The following CADM2 variants were observed in gnomAD, a reference collection of about 807,000 sequenced individuals.
CADM2 encodes cell adhesion molecule 2.
A neutral mutation model predicts 49.8 loss-of-function variants in CADM2; 12 were observed. The ratio of observed to expected loss-of-function variants is 0.24; its 90% CI spans 0.15 to 0.39. CADM2 has a LOEUF of 0.39. Among genes scored for constraint, CADM2 ranks in the 10% least tolerant of loss-of-function variants. The probability of loss-of-function intolerance (pLI) is 1.00; values close to 1 mark genes in which losing one functional copy is unlikely to be tolerated. For missense variants in CADM2, 378 were observed against 492.3 expected, an observed-to-expected ratio of 0.77 and a Z score of 2.20; for synonymous variants, 214 against 175.4, an observed-to-expected ratio of 1.22 and a Z score of -1.74.
chr3:84,990,580 G>T (rs1414154326), intron 1 of CADM2, among the ~76,000 whole-genome samples: 1 of 151,608 alleles, frequency 6.6e-6, no homozygotes, highest in African/African-American at 2.4e-5. Flanking sequence ...ATGGTTGCTT[G>T]GTTTATTTAT....
At chr3:84,969,596 A>G (rs2031269216) in intron 1 of CADM2, among the ~76,000 whole-genome samples, 2 of 151,990 alleles carry the variant, frequency 1.3e-5, no homozygotes, top group Non-Finnish European at 2.9e-5. Context: ...GATCTAGATA[A>G]TATTTAAGTA....
At chr3:85,265,513 C>T (rs1044378363) in intron 1 of CADM2, among the ~76,000 whole-genome samples, 12 of 152,036 alleles carry the variant, frequency 7.9e-5, no homozygotes, top group African/African-American at 2.9e-4. Flanking sequence ...AGAGGTTGAA[C>T]TCATTTTTAT....
intron 1 of CADM2, among the ~76,000 whole-genome samples, chr3:85,609,568 G>A (rs535371447): frequency 1.3e-5 from 2 of 152,156 alleles, no homozygotes; most frequent in African/African-American, 4.8e-5. Flanking sequence ...CAACTCTGTT[G>A]AATTAAAAAG....
At chr3:85,554,609 A>G (rs1257212737) in intron 1 of CADM2, among the ~76,000 whole-genome samples, 1 of 152,216 alleles carries the variant, frequency 6.6e-6, no homozygotes, top group South Asian at 2.1e-4. Flanking sequence ...ATCTGAATAA[A>G]AGGGCATACG....
chr3:85,992,731 A>G (rs9862608), intron 8 of CADM2: 47,040 of 152,060 alleles, frequency 0.31, 9,498 homozygotes, highest in African/African-American at 0.58. Context: ...AATGCTAATG[A>G]TCGTCTGAGT....
chr3:85,151,721 G>T (rs1476810323), intron 1 of CADM2, among the ~76,000 whole-genome samples: 1 of 152,106 alleles, frequency 6.6e-6, no homozygotes, highest in African/African-American at 2.4e-5. Flanking sequence ...ACATTCATTT[G>T]TTATAGTTTG....
intron 2 of CADM2, chr3:85,800,686 T>C (rs1037247932): frequency 2.0e-5 from 3 of 152,530 alleles, no homozygotes; most frequent in African/African-American, 7.2e-5. Context: ...TTGCACTTCC[T>C]GGGTGAAGTG....
Position 85,261,822 on chromosome 3 carries a change from A to G in CADM2, c.61+302154A>G, listed in dbSNP as rs140033056. On this transcript the variant is annotated intron_variant, in intron 1 of 9. Coordinates refer to ENST00000383699, the MANE Select transcript of CADM2 (RefSeq NM_001167675.2). ...ATTTCTAAATTAAAAACAAAACAAA[A>G]CAAAGTCACCTTTTTCCCCTAATCT... is the stretch of plus-strand genomic sequence containing the variant. 4.6e-5 allele frequency among the ~76,000 whole-genome samples: 7 copies of G among 152,214 alleles called. No individual in the cohort carries two copies. The East Asian group carries it at 1.4e-3, about 30-fold the overall frequency.
At chr3:85,305,559 T>A (rs558905415) in intron 1 of CADM2, among the ~76,000 whole-genome samples, 1 of 151,760 alleles carries the variant, frequency 6.6e-6, no homozygotes, top group Admixed American at 6.6e-5. Flanking sequence ...TGGTAGCCAA[T>A]TGAACGATTA....
intron 1 of CADM2, among the ~76,000 whole-genome samples, chr3:85,254,788 A>G (rs935617000): frequency 1.1e-4 from 17 of 152,066 alleles, no homozygotes; most frequent in African/African-American, 4.1e-4. Flanking sequence ...AAAGGGCTGT[A>G]TGGCAGGAGC....
At chr3:85,095,188 C>A (rs1370707179) in intron 1 of CADM2, among the ~76,000 whole-genome samples, 5 of 152,162 alleles carry the variant, frequency 3.3e-5, no homozygotes, top group Non-Finnish European at 7.4e-5. Context: ...GATGGAATTT[C>A]ATTCCTTTAT....
At chr3:85,524,207 C>T (rs981980862) in intron 1 of CADM2, among the ~76,000 whole-genome samples, 1 of 151,860 alleles carries the variant, frequency 6.6e-6, no homozygotes, top group Non-Finnish European at 1.5e-5. Flanking sequence ...TCTTTGTTGT[C>T]CTGTTTTCTA....
At chr3:85,376,044 T>C in intron 1 of CADM2, among the ~76,000 whole-genome samples, 1 of 152,222 alleles carries the variant, frequency 6.6e-6, no homozygotes, top group East Asian at 1.9e-4. Flanking sequence ...ACAGCAACAA[T>C]ATGAAATAAG....
chr3:85,421,706 A>C (rs1044973007), intron 1 of CADM2, among the ~76,000 whole-genome samples: 2 of 152,124 alleles, frequency 1.3e-5, no homozygotes, highest in Non-Finnish European at 2.9e-5. Flanking sequence ...TTCATTTACC[A>C]TATTTACTCA....
At chr3:85,728,132 A>T (rs2029053) in intron 2 of CADM2, among the ~76,000 whole-genome samples, 32,483 of 152,096 alleles carry the variant, frequency 0.21, 4,217 homozygotes, top group Middle Eastern at 0.29. Context: ...AAGCCATTTC[A>T]TCATTGGAGA....
chr3:85,769,157 A>G (rs1226385554), intron 2 of CADM2, among the ~76,000 whole-genome samples: 4 of 74,894 alleles, frequency 5.3e-5, no homozygotes, highest in Non-Finnish European at 8.4e-5. Context: ...ACATATATAC[A>G]TATATAGTAT....
chr3:85,011,542 A>G (rs2033993131), intron 1 of CADM2, among the ~76,000 whole-genome samples: 2 of 152,218 alleles, frequency 1.3e-5, no homozygotes. Flanking sequence ...TTTTTGAAGT[A>G]AGATATGCAG....
intron 1 of CADM2, among the ~76,000 whole-genome samples, chr3:85,633,293 A>G (rs1168735337): frequency 6.6e-6 from 1 of 152,068 alleles, no homozygotes; most frequent in Non-Finnish European, 1.5e-5. Flanking sequence ...TATAACTTTA[A>G]TGTTCTGTAA....
At chr3:84,959,904 C>T (rs2030291537) in intron 1 of CADM2, among the ~76,000 whole-genome samples, 1 of 152,134 alleles carries the variant, frequency 6.6e-6, no homozygotes, top group African/African-American at 2.4e-5. Context: ...GCACCTTTTG[C>T]CTTCTCATTC....
Sources: allele counts gnomAD v4.1 joint callset (sites outside exome capture counted in the v4.1 genomes callset), GRCh38; gene constraint gnomAD v4.1.1; transcripts MANE v1.5; gene names NCBI Gene and HGNC (gene_info 2026-07-23, HGNC 2026-07-21).